The following BRWD1 variants were observed in gnomAD, a reference collection of about 807,000 sequenced individuals.
BRWD1 encodes bromodomain and WD repeat domain containing 1, also known as bromodomain and WD repeat-containing protein 1.
A neutral mutation model predicts 251.2 loss-of-function variants in BRWD1; 82 were observed. The ratio of observed to expected loss-of-function variants is 0.33; its 90% confidence interval spans 0.27 to 0.39. The LOEUF (loss-of-function observed/expected upper bound fraction) is 0.39. BRWD1 is among the 10% of genes least tolerant of loss of function. The pLI is 1.00. For synonymous variants in BRWD1, 918 were observed against 902.8 expected (o/e 1.02, Z -0.30); for missense variants, 2,233 against 2,711.6 (o/e 0.82, Z 3.92).
intron 5 of BRWD1, chr21:39,297,472 C>T (rs1341810059): frequency 3.4e-5 from 31 of 919,852 alleles, no homozygotes; most frequent in Admixed American, 6.2e-5. Context: ...TGGAGCTTGA[C>T]ACAAGTAAAG....
At chr21:39,222,561 C>A (rs1601315786) in intron 29 of BRWD1, among the ~76,000 whole-genome samples, 1 of 152,288 alleles carries the variant, frequency 6.6e-6, no homozygotes, top group East Asian at 1.9e-4. Context: ...GTGGCCAAAT[C>A]TGCAATAAGG....
In BRWD1 at chr21:39,276,153, CAT is replaced by C. The variant is rs762333828; in HGVS notation, c.1145+18_1145+19del. The C allele has an allele frequency of 2.5e-4, 394 of 1,597,878 alleles. No individual in the cohort carries two copies. Among genetic ancestry groups the C allele is most frequent in the African/African-American group, 3.9e-4 (29 of 74,442 alleles). On this transcript the variant is annotated intron_variant, in intron 12 of 40. Coordinates refer to ENST00000342449, the MANE Select transcript of BRWD1 (RefSeq NM_033656.4). Reference sequence around the variant, plus strand: ...ATTTGCCTAATAACACACACACACACATACAAAACACACACTTACCGATCACC... The same window carrying C: ...ATTTGCCTAATAACACACACACACACACAAAACACACACTTACCGATCACC...
rs755033618 is a variant in BRWD1 at position 39,228,560 on chromosome 21, T to C, written c.3148A>G (p.Ile1050Val). 1 of 1,612,364 alleles carries C rather than the reference T, an allele frequency of 6.2e-7. No individual in the cohort carries two copies. The highest frequency in any genetic ancestry group is 8.5e-7 in the Non-Finnish European group (1 of 1,178,824). ...AATTGACGCAATACAAGAAAGTCAA[T>C]AACATCTGGCATATCATGATATCTA... Reference protein sequence around the residue: ...SIRYHDMPDVIDFLVLRQFYD... With the variant: ...SIRYHDMPDVVDFLVLRQFYD... The change falls in exon 27 of 41, where the codon ATT becomes GTT. Residue 1050 changes from isoleucine (I) to valine (V), a missense_variant. Coordinates refer to ENST00000342449, the MANE Select transcript of BRWD1 (RefSeq NM_033656.4).
intron 9 of BRWD1, among the ~76,000 whole-genome samples, 161 bp downstream of exon 9, chr21:39,279,987 T>C (rs1052505780): frequency 3.3e-5 from 5 of 152,184 alleles, no homozygotes; most frequent in African/African-American, 4.8e-5. Context: ...AAATAGGAAA[T>C]AGTCAATATG....
chr21:39,302,550 A>C (rs2036153527), intron 4 of BRWD1, among the ~76,000 whole-genome samples: 1 of 152,030 alleles, frequency 6.6e-6, no homozygotes, highest in South Asian at 2.1e-4. Flanking sequence ...TGAGGTCAGG[A>C]GTTCAAGACC....
Position 39,250,780 on chromosome 21 carries a change from A to G in BRWD1, c.2349+16T>C. ...ATGTAATTTCTAATTTGCTAAGAAA[A>G]CAGAATTTAGGTTACCTTATGTGAG... On this transcript the variant is annotated intron_variant, in intron 20 of 40. Coordinates refer to ENST00000342449, the MANE Select transcript of BRWD1 (RefSeq NM_033656.4). The G allele has an allele frequency of 6.8e-7, 1 of 1,480,250 alleles. No individual in the cohort carries two copies. Among genetic ancestry groups the G allele is most frequent in the South Asian group, 1.3e-5 (1 of 78,858 alleles). The allele number at this position is 1,480,250 out of a possible 1,614,324, so 91.7% of individuals were successfully genotyped here.
At chr21:39,217,027 ATATATATAAATATATATATATATT>A (rs1431457315) in intron 31 of BRWD1, 231 of 21,034 alleles carry the variant, frequency 0.011, 4 homozygotes, top group Non-Finnish European at 0.014. Context: ...ATATATATAT[ATATATATAAATATATATATATATT>A]TATATATATA....
At chr21:39,247,246 G>A (rs552525026) in intron 21 of BRWD1, among the ~76,000 whole-genome samples, 2 of 152,308 alleles carry the variant, frequency 1.3e-5, no homozygotes, top group South Asian at 4.1e-4. Flanking sequence ...AAATTTAATA[G>A]AGGTGACGAT....
In BRWD1 at chr21:39,185,756, G is replaced by C. The variant is rs1333993557; in HGVS notation, c.*10503C>G. On this transcript the variant is annotated 3_prime_UTR_variant, in exon 41 of 41. Coordinates refer to ENST00000342449, the MANE Select transcript of BRWD1 (RefSeq NM_033656.4). ...CTTAAAAAAGAAATAGAAAACCCTA[G>C]GTTTCTGTAGTTTAGTTTTTCAGAT... is the stretch of plus-strand genomic sequence containing the variant. 1 of 151,376 alleles carries C rather than the reference G, an allele frequency of 6.6e-6. No homozygotes were observed. The highest frequency in any genetic ancestry group is 1.5e-5 in the Non-Finnish European group (1 of 67,878). The allele number at this position is 151,376 out of a possible 1,614,324, so 9.4% of individuals were successfully genotyped here. A position where few individuals can be genotyped will look rare whatever the true frequency, so the allele number is the denominator to read the frequency against.
At chr21:39,305,621 T>A (rs1332597879) in intron 4 of BRWD1, among the ~76,000 whole-genome samples, 1 of 152,036 alleles carries the variant, frequency 6.6e-6, no homozygotes, top group Non-Finnish European at 1.5e-5. Context: ...TTCCAGCACT[T>A]TGGGAGGCTG....
At chr21:39,260,547 G>T (rs1269704840) in intron 17 of BRWD1, among the ~76,000 whole-genome samples, 2 of 152,136 alleles carry the variant, frequency 1.3e-5, no homozygotes, top group Non-Finnish European at 2.9e-5. Context: ...TTGAAGGAGG[G>T]TTCTACCCAT....
chr21:39,232,341 T>C (rs1430138531), intron 24 of BRWD1, 32 bp downstream of exon 24: 1 of 1,599,472 alleles, frequency 6.3e-7, no homozygotes, highest in Non-Finnish European at 8.5e-7. Flanking sequence ...TTATGTTCCA[T>C]ATTCGTGTTT....
Position 39,269,955 on chromosome 21 carries a change from T to C in BRWD1, c.1474A>G (p.Ser492Gly), listed in dbSNP as rs1013862303. Reference protein sequence around the residue: ...RIMLSAGHDGSIFIWDITKGT... With the variant: ...RIMLSAGHDGGIFIWDITKGT... ...TTTGTAATATCCCATATAAATATGC[T>C]GCCATCATGTCCTGCAGATAACATA... The change falls in exon 15 of 41, where the codon AGC becomes GGC. Residue 492 changes from serine (S) to glycine (G), a missense_variant. Transcript: ENST00000342449. 6.3e-6 allele frequency: 10 copies of C among 1,580,158 alleles called. No homozygotes were observed. Among genetic ancestry groups the C allele is most frequent in the Non-Finnish European group, 8.6e-6 (10 of 1,161,736 alleles).
chr21:39,314,907 G>C (rs1228712335), upstream of BRWD1: 1 of 153,114 alleles, frequency 6.5e-6, no homozygotes, highest in Non-Finnish European at 1.5e-5. Flanking sequence ...GATAATATTT[G>C]TGCCTGTCTC....
At chr21:39,219,187 G>A (rs760330111) in intron 29 of BRWD1, among the ~76,000 whole-genome samples, 10 of 152,124 alleles carry the variant, frequency 6.6e-5, no homozygotes, top group Non-Finnish European at 1.0e-4. Flanking sequence ...TTCAGAGGCC[G>A]AGGTGGGTGG....
intron 10 of BRWD1, among the ~76,000 whole-genome samples, chr21:39,278,011 A>ATT (rs2035331364): frequency 6.6e-6 from 1 of 151,706 alleles, no homozygotes; most frequent in Non-Finnish European, 1.5e-5. Context: ...TGCCCAGATA[A>ATT]TTTTTGTTTT....
Position 39,190,089 on chromosome 21 carries a change from CT to C in BRWD1, c.*6169del. On this transcript the variant is annotated 3_prime_UTR_variant, in exon 41 of 41. Transcript: ENST00000342449. Reference sequence around the variant, plus strand: ...CCATGATCATTTCCCTGGATGACCACTTTAAATTATAACTCACAGATATGTG... The same window carrying C: ...CCATGATCATTTCCCTGGATGACCACTTAAATTATAACTCACAGATATGTG... 1.0e-6 allele frequency: 1 copy of C among 985,326 alleles called. No homozygotes were observed. Among genetic ancestry groups the C allele is most frequent in the African/African-American group, 1.7e-5 (1 of 57,332 alleles). 61.0% of individuals were successfully genotyped at this position (985,326 alleles called of 1,614,324 possible).
intron 22 of BRWD1, among the ~76,000 whole-genome samples, chr21:39,238,041 T>C (rs926916872): frequency 6.6e-6 from 1 of 152,008 alleles, no homozygotes; most frequent in Non-Finnish European, 1.5e-5. Context: ...GAGATTAAGG[T>C]CCAGTTTTCT....
At chr21:39,256,919 AAC>A (rs1442839498) in intron 18 of BRWD1, among the ~76,000 whole-genome samples, 8 of 152,344 alleles carry the variant, frequency 5.3e-5, no homozygotes, top group African/African-American at 1.9e-4. Flanking sequence ...TGCATTAGAG[AAC>A]ACACTATGCT....
Sources: allele counts gnomAD v4.1 joint callset (sites outside exome capture counted in the v4.1 genomes callset), GRCh38; gene constraint gnomAD v4.1.1; transcripts MANE v1.5; gene names NCBI Gene and HGNC (gene_info 2026-07-23, HGNC 2026-07-21).